Variants in MACROD2 observed in about 807,000 individuals in gnomAD.
MACROD2 encodes mono-ADP ribosylhydrolase 2.
Under a neutral mutation model 70.4 loss-of-function variants are expected in MACROD2, and 36 were observed. The ratio of observed to expected loss-of-function variants is 0.51; its 90% CI spans 0.39 to 0.68. The LOEUF (loss-of-function observed/expected upper bound fraction) is 0.68. Among genes scored for constraint, MACROD2 ranks in the 30% least tolerant of loss-of-function variants. MACROD2 has a pLI of 0.00. For missense variants in MACROD2, 496 were observed against 538.4 expected (o/e 0.92, Z 0.78); for synonymous variants, 172 against 178.8 (o/e 0.96, Z 0.30).
At chr20:15,704,123 A>C (rs945856163) in intron 8 of MACROD2, among the ~76,000 whole-genome samples, 1 of 151,538 alleles carries the variant, frequency 6.6e-6, no homozygotes, top group Admixed American at 6.6e-5. Context: ...TTGTTTTCCT[A>C]TTTGAAATGT....
At chr20:15,587,183 G>A (rs559702265) in intron 8 of MACROD2, among the ~76,000 whole-genome samples, 12 of 152,198 alleles carry the variant, frequency 7.9e-5, no homozygotes, top group African/African-American at 1.9e-4. Context: ...ACAAGGTGGC[G>A]GCAAGAGAAA....
rs539447241 is a variant in MACROD2 at position 15,175,167 on chromosome 20, C to G, written c.419-54773C>G. On this transcript the variant is annotated intron_variant, in intron 5 of 17. Transcript: ENST00000684519. ...ATTGGAAATCATCATTCTCAGTAAACTATCGCAAGAACAAAAAACCAAACA... is the reference window on the plus strand; with the variant it reads ...ATTGGAAATCATCATTCTCAGTAAAGTATCGCAAGAACAAAAAACCAAACA... Among the ~76,000 whole-genome samples, 8 of 151,184 alleles carry G rather than the reference C, an allele frequency of 5.3e-5. No individual in the cohort carries two copies. In the East Asian group the frequency reaches 1.6e-3, roughly 30 times the overall value.
intron 5 of MACROD2, 96 bp from the exon 6 acceptor site, chr20:15,229,844 C>T: frequency 1.6e-6 from 2 of 1,286,648 alleles, no homozygotes. Flanking sequence ...TCTCCAGGCT[C>T]TAACACAAAT....
intron 4 of MACROD2, among the ~76,000 whole-genome samples, chr20:14,643,367 C>T (rs1373224650): frequency 6.6e-6 from 1 of 152,124 alleles, no homozygotes; most frequent in Non-Finnish European, 1.5e-5. Context: ...CAGATTGTAA[C>T]CCTGAGGCCT....
intron 5 of MACROD2, among the ~76,000 whole-genome samples, chr20:14,763,925 A>G (rs1046342151): frequency 6.6e-6 from 1 of 152,106 alleles, no homozygotes; most frequent in Non-Finnish European, 1.5e-5. Context: ...AATAGTCCTA[A>G]GGGGTTCACA....
intron 8 of MACROD2, among the ~76,000 whole-genome samples, chr20:15,683,256 T>C (rs1166465544): frequency 1.3e-5 from 2 of 152,222 alleles, no homozygotes; most frequent in African/African-American, 4.8e-5. Flanking sequence ...TACTGTATAA[T>C]GCAATGCCTC....
Position 14,831,032 on chromosome 20 carries a change from G to A in MACROD2, c.418+146073G>A, listed in dbSNP as rs796109173. Among the ~76,000 whole-genome samples, 18 of 152,208 alleles carry A rather than the reference G, an allele frequency of 1.2e-4. 1 individual carries two copies. The highest frequency in any genetic ancestry group is 4.3e-4 in the African/African-American group (18 of 41,550). On this transcript the variant is annotated intron_variant, in intron 5 of 17. Coordinates refer to ENST00000684519, the MANE Select transcript of MACROD2 (RefSeq NM_001351661.2). ...TACTGTTTCTGCACATTTCCCTCGGGATGGTGGTTTGTGAGCATACCTACC... is the reference window on the plus strand; with the variant it reads ...TACTGTTTCTGCACATTTCCCTCGGAATGGTGGTTTGTGAGCATACCTACC...
chr20:15,228,369 A>T (rs1434865661), intron 5 of MACROD2, among the ~76,000 whole-genome samples: 1 of 152,180 alleles, frequency 6.6e-6, no homozygotes, highest in Non-Finnish European at 1.5e-5. Context: ...CAAGGGTTTA[A>T]ATACTGTTTC....
chr20:15,749,437 C>T (rs1245871947), intron 8 of MACROD2, among the ~76,000 whole-genome samples: 1 of 151,654 alleles, frequency 6.6e-6, no homozygotes, highest in Non-Finnish European at 1.5e-5. Context: ...AATTTTCCTC[C>T]CTAAAATTTC....
At chr20:14,764,544 T>C (rs577205925) in intron 5 of MACROD2, among the ~76,000 whole-genome samples, 3 of 152,168 alleles carry the variant, frequency 2.0e-5, no homozygotes, top group Non-Finnish European at 4.4e-5. Context: ...CACCCACAGA[T>C]TGTGGCCCGT....
chr20:14,515,465 G>GCGCACACA (rs1369248292), intron 4 of MACROD2, among the ~76,000 whole-genome samples: 4,727 of 127,088 alleles, frequency 0.037, 95 homozygotes, highest in Non-Finnish European at 0.045. Flanking sequence ...ACACACACAC[G>GCGCACACA]CACACACACA....
intron 5 of MACROD2, among the ~76,000 whole-genome samples, chr20:15,045,726 T>G (rs900041347): frequency 6.9e-6 from 1 of 144,830 alleles, no homozygotes; most frequent in Non-Finnish European, 1.5e-5. Context: ...AGGGTTTTTT[T>G]TTTTTTTTTT....
intron 5 of MACROD2, among the ~76,000 whole-genome samples, chr20:15,164,702 C>G (rs917533649): frequency 4.6e-5 from 7 of 151,988 alleles, no homozygotes; most frequent in African/African-American, 1.7e-4. Flanking sequence ...TCAAAACCAG[C>G]CAGGGCAACA....
At chr20:15,245,283 ATATT>A (rs2077095692) in intron 6 of MACROD2, among the ~76,000 whole-genome samples, 1 of 152,200 alleles carries the variant, frequency 6.6e-6, no homozygotes, top group African/African-American at 2.4e-5. Context: ...GGATGATGAC[ATATT>A]GCAGAAATAC....
At chr20:14,966,821 G>C (rs1351547889) in intron 5 of MACROD2, among the ~76,000 whole-genome samples, 1 of 151,998 alleles carries the variant, frequency 6.6e-6, no homozygotes, top group African/African-American at 2.4e-5. Context: ...TGTATGTACA[G>C]GCATTTTTTT....
intron 4 of MACROD2, among the ~76,000 whole-genome samples, chr20:14,654,371 A>C (rs1985857435): frequency 6.6e-6 from 1 of 151,620 alleles, no homozygotes; most frequent in Non-Finnish European, 1.5e-5. Context: ...ACATGGTGAA[A>C]CCCAGTCTCT....
At chr20:14,699,512 C>T (rs2071167419) in intron 5 of MACROD2, among the ~76,000 whole-genome samples, 1 of 152,140 alleles carries the variant, frequency 6.6e-6, no homozygotes, top group Non-Finnish European at 1.5e-5. Flanking sequence ...GCATCTTCCT[C>T]TTTGTAGACT....
chr20:15,702,828 G>C (rs770569797), intron 8 of MACROD2, among the ~76,000 whole-genome samples: 10 of 152,126 alleles, frequency 6.6e-5, no homozygotes, highest in Non-Finnish European at 1.0e-4. Flanking sequence ...AGCCAAAATA[G>C]ACAAAGCAAT....
At chr20:15,474,032 C>A (rs947276010) in intron 7 of MACROD2, among the ~76,000 whole-genome samples, 1 of 152,140 alleles carries the variant, frequency 6.6e-6, no homozygotes, top group Non-Finnish European at 1.5e-5. Flanking sequence ...CATGCCATTG[C>A]GGACCTCAGT....
Sources: allele counts gnomAD v4.1 joint callset (sites outside exome capture counted in the v4.1 genomes callset), GRCh38; gene constraint gnomAD v4.1.1; transcripts MANE v1.5; gene names NCBI Gene and HGNC (gene_info 2026-07-23, HGNC 2026-07-21).